Variants in PLPBP observed in about 807,000 individuals in gnomAD.
The protein encoded by PLPBP is pyridoxal phosphate homeostasis protein.
A neutral mutation model predicts 31.2 loss-of-function variants in PLPBP; 21 were observed. That is an observed-to-expected ratio of 0.67 (90% confidence interval 0.48 to 0.97). The LOEUF (loss-of-function observed/expected upper bound fraction) is 0.97. PLPBP is among the 50% of genes least tolerant of loss of function. PLPBP has a pLI of 0.00. For missense variants in PLPBP, 308 were observed against 354.4 expected (o/e 0.87, Z 1.05); for synonymous variants, 124 against 135.6 (o/e 0.91, Z 0.59).
At chr8:37,763,390 A>C (rs1487043303) in intron 1 of PLPBP, among the ~76,000 whole-genome samples, 1 of 152,224 alleles carries the variant, frequency 6.6e-6, no homozygotes, top group Non-Finnish European at 1.5e-5. Context: ...CCTCAGTGCA[A>C]GTTTAAGCTG....
intron 7 of PLPBP, among the ~76,000 whole-genome samples, chr8:37,776,505 A>G (rs867400094): frequency 1.3e-4 from 20 of 149,752 alleles, no homozygotes; most frequent in African/African-American, 4.1e-4. Context: ...AAAAAAAAAC[A>G]AAAGAAAGAA....
intron 4 of PLPBP, among the ~76,000 whole-genome samples, chr8:37,768,473 T>C (rs1803691745): frequency 7.1e-6 from 1 of 140,736 alleles, no homozygotes; most frequent in African/African-American, 2.7e-5. Flanking sequence ...TTCTTTTTTT[T>C]TTTTTTTTTT....
chr8:37,768,108 T>G (rs1170084071), intron 4 of PLPBP, among the ~76,000 whole-genome samples: 2 of 152,146 alleles, frequency 1.3e-5, no homozygotes. Context: ...CCCGGCCTAT[T>G]GATTTTCAAA....
intron 1 of PLPBP, among the ~76,000 whole-genome samples, chr8:37,764,298 G>T (rs955681281): frequency 3.4e-5 from 5 of 147,818 alleles, no homozygotes; most frequent in Non-Finnish European, 6.0e-5. Flanking sequence ...TAGAGACAGG[G>T]TTTCATTATG....
intron 4 of PLPBP, among the ~76,000 whole-genome samples, chr8:37,772,424 T>C (rs1037437155): frequency 6.6e-6 from 1 of 152,248 alleles, no homozygotes; most frequent in African/African-American, 2.4e-5. Flanking sequence ...CATCCTGACC[T>C]GTTTCTCTCA....
rs759264462 is a variant in PLPBP at position 37,762,722 on chromosome 8, C to T, written c.63C>T (p.Asn21=). 2.5e-6 allele frequency: 4 copies of T among 1,587,254 alleles called. No individual in the cohort carries two copies. The highest frequency in any genetic ancestry group is 1.7e-6 in the Non-Finnish European group (2 of 1,171,922). The change falls in exon 1 of 8, where the codon AAC becomes AAT. Residue 21 remains asparagine (N), a synonymous_variant. Coordinates refer to ENST00000328195, the MANE Select transcript of PLPBP (RefSeq NM_007198.4). ...TCGGGTGCGCATTGCGGGCGGTGAA[C>T]GAGCGCGTGCAGCAGGCTGTGGCGC... The part of the protein sequence containing the change: ...LGVGCALRAV[N]ERVQQAVARR...
intron 4 of PLPBP, among the ~76,000 whole-genome samples, chr8:37,767,639 AT>A (rs1159866188): frequency 6.6e-6 from 1 of 152,140 alleles, no homozygotes; most frequent in Non-Finnish European, 1.5e-5. Context: ...ATAAGTTGCT[AT>A]GAATATTTGT....
intron 1 of PLPBP, 27 bp from the exon 2 acceptor site, chr8:37,765,499 C>A: frequency 6.3e-7 from 1 of 1,598,502 alleles, no homozygotes; most frequent in Non-Finnish European, 8.6e-7. Flanking sequence ...CAAACATTCA[C>A]TCATATGGCT....
chr8:37,766,441 G>T, intron 4 of PLPBP, 86 bp downstream of exon 4: 1 of 1,441,526 alleles, frequency 6.9e-7, no homozygotes. Context: ...GCAACTTTTA[G>T]AATAGCCCCA....
At chr8:37,769,257 G>T (rs1803713749) in intron 4 of PLPBP, among the ~76,000 whole-genome samples, 1 of 151,946 alleles carries the variant, frequency 6.6e-6, no homozygotes. Flanking sequence ...GATCACCTGA[G>T]TCCAAAAGGT....
chr8:37,765,800 G>C lies in PLPBP; in HGVS notation c.243+54G>C. 7 of 1,587,000 alleles carry C rather than the reference G, an allele frequency of 4.4e-6. No individual in the cohort carries two copies. The South Asian group carries it at 8.0e-5, about 18-fold the overall frequency. On this transcript the variant is annotated intron_variant, in intron 3 of 7. Transcript: ENST00000328195. ...GTATCTAAATCTTGGCTCTTTAGTT[G>C]AAAATTAGACCCATCCTGGTGGTTG...
intron 5 of PLPBP, among the ~76,000 whole-genome samples, chr8:37,774,091 GC>G (rs1441245468): frequency 6.6e-6 from 1 of 151,920 alleles, no homozygotes; most frequent in African/African-American, 2.4e-5. Flanking sequence ...TGCACCCATA[GC>G]CCCAGCTGCT....
At chr8:37,776,580 G>A (rs1803919974) in intron 7 of PLPBP, among the ~76,000 whole-genome samples, 3 of 150,948 alleles carry the variant, frequency 2.0e-5, no homozygotes, top group South Asian at 4.2e-4. Flanking sequence ...TTCCGTAAGT[G>A]TAATCTAAAG....
At chr8:37,771,102 T>G (rs1217544250) in intron 4 of PLPBP, among the ~76,000 whole-genome samples, 1 of 151,964 alleles carries the variant, frequency 6.6e-6, no homozygotes, top group African/African-American at 2.4e-5. Context: ...GAGGCCAAGG[T>G]GGGAGGATCA....
intron 1 of PLPBP, 53 bp from the exon 2 acceptor site, chr8:37,765,473 A>T (rs745322126): frequency 6.6e-6 from 10 of 1,515,324 alleles, no homozygotes; most frequent in Admixed American, 1.7e-5. Flanking sequence ...TATGGGATTC[A>T]TTGGGGTACT....
upstream of PLPBP, chr8:37,762,584 C>G (rs1165066707): frequency 1.3e-5 from 20 of 1,517,158 alleles, no homozygotes; most frequent in Non-Finnish European, 1.8e-5. Flanking sequence ...TCACACGGCG[C>G]AAGCTGGGCG....
intron 5 of PLPBP, among the ~76,000 whole-genome samples, chr8:37,773,897 T>C (rs1418380307): frequency 6.6e-6 from 1 of 152,158 alleles, no homozygotes; most frequent in African/African-American, 2.4e-5. Context: ...GATGTTGCAT[T>C]GGGAGAGAAT....
chr8:37,775,846 GTTCAGA>G, intron 6 of PLPBP, 66 bp from the exon 7 acceptor site: 1 of 1,395,920 alleles, frequency 7.2e-7, no homozygotes. Context: ...TGTCAGAGAA[GTTCAGA>G]TTCAGACACT....
chr8:37,775,794 C>A, intron 6 of PLPBP, 124 bp from the exon 7 acceptor site: 1 of 1,057,908 alleles, frequency 9.5e-7, no homozygotes, highest in East Asian at 2.4e-5. Context: ...TAACGTCTGG[C>A]AATTTTGGCA....
Sources: gnomAD v4.1 joint callset for allele counts (sites outside exome capture counted in the v4.1 genomes callset) on GRCh38, gnomAD v4.1.1 for gene constraint, MANE v1.5 for transcripts, NCBI Gene and HGNC (gene_info 2026-07-23, HGNC 2026-07-21) for gene names.